CTNND2: variants seen among roughly 807,000 people sequenced by gnomAD.
The protein encoded by CTNND2 is catenin delta-2.
In CTNND2, 22 loss-of-function variants were observed where a neutral mutation model predicts 144.4. The ratio of observed to expected loss-of-function variants is 0.15; its 90% CI spans 0.11 to 0.22. CTNND2 has a LOEUF of 0.22. Ranked by LOEUF, CTNND2 falls within the 10% of genes least tolerant of loss-of-function variation. The probability of loss-of-function intolerance (pLI) is 1.00; values close to 1 mark genes in which losing one functional copy is unlikely to be tolerated. For missense variants in CTNND2, 1,353 were observed against 1,618.8 expected, an observed-to-expected ratio of 0.84 and a Z score of 2.82; for synonymous variants, 751 against 695.6, an observed-to-expected ratio of 1.08 and a Z score of -1.25.
In CTNND2 at chr5:11,580,061, T is replaced by A. The variant is rs181346102; in HGVS notation, c.175-15005A>T. Among the ~76,000 whole-genome samples the A allele has an allele frequency of 6.0e-4, 92 of 152,300 alleles. No homozygotes were observed. The Middle Eastern group carries it at 0.014, about 23-fold the overall frequency. On this transcript the variant is annotated intron_variant, in intron 2 of 21. Coordinates refer to ENST00000304623, the MANE Select transcript of CTNND2 (RefSeq NM_001332.4). ...AGACCTTGTATTTACTTAAGCCCAATGAGTTAAATCCTATCCTACTCTACT... is the reference window on the plus strand; with the variant it reads ...AGACCTTGTATTTACTTAAGCCCAAAGAGTTAAATCCTATCCTACTCTACT...
chr5:11,881,058 T>C (rs1385293082), intron 1 of CTNND2, among the ~76,000 whole-genome samples: 2 of 149,458 alleles, frequency 1.3e-5, no homozygotes, highest in Admixed American at 1.3e-4. Flanking sequence ...CTACTACCAC[T>C]ACTACTACTA....
At chr5:11,670,301 C>T (rs563865351) in intron 2 of CTNND2, among the ~76,000 whole-genome samples, 1 of 152,208 alleles carries the variant, frequency 6.6e-6, no homozygotes, top group Non-Finnish European at 1.5e-5. Context: ...TCCTGAATAT[C>T]CTTGTAAATT....
At chr5:11,669,345 C>T (rs2727605) in intron 2 of CTNND2, among the ~76,000 whole-genome samples, 33,274 of 151,892 alleles carry the variant, frequency 0.22, 5,797 homozygotes, top group African/African-American at 0.49. Context: ...TGGTACCTTC[C>T]GCTCTTTGTA....
At chr5:11,496,582 T>A (rs1436425938) in intron 3 of CTNND2, among the ~76,000 whole-genome samples, 2 of 152,098 alleles carry the variant, frequency 1.3e-5, no homozygotes, top group Admixed American at 1.3e-4. Context: ...GTATGAAATA[T>A]TACACATGTA....
chr5:11,288,970 CAT>C (rs913733514), intron 9 of CTNND2, among the ~76,000 whole-genome samples: 8 of 152,142 alleles, frequency 5.3e-5, no homozygotes, highest in Non-Finnish European at 1.0e-4. Flanking sequence ...CGGCAGAGCA[CAT>C]GTGGACATTT....
chr5:11,060,797 A>T (rs1317986663), intron 16 of CTNND2, among the ~76,000 whole-genome samples: 2 of 152,192 alleles, frequency 1.3e-5, no homozygotes, highest in Non-Finnish European at 2.9e-5. Context: ...TGTCTTCTTT[A>T]TTCCAAAGTA....
chr5:11,082,852 A>T lies in CTNND2; in HGVS notation c.2638-6T>A. The T allele has an allele frequency of 6.2e-7, 1 of 1,613,478 alleles. No homozygotes were observed. Reference sequence around the variant, plus strand: ...GCTCGGATATATACTGACCACTGCAAAAACAGGGAAGGCGAAGGGCGTTAG... The same window carrying T: ...GCTCGGATATATACTGACCACTGCATAAACAGGGAAGGCGAAGGGCGTTAG... On this transcript the variant is annotated splice_region_variant and splice_polypyrimidine_tract_variant and intron_variant, in intron 15 of 21. Coordinates refer to ENST00000304623, the MANE Select transcript of CTNND2 (RefSeq NM_001332.4).
intron 3 of CTNND2, among the ~76,000 whole-genome samples, chr5:11,517,163 C>A (rs10077754): frequency 0.16 from 24,409 of 152,146 alleles, 3,563 homozygotes; most frequent in African/African-American, 0.39. Flanking sequence ...AAATACCAAG[C>A]ACAAAATACA....
rs113238978 is a variant in CTNND2, at chr5:11,028,164, A to G, written c.2789-5185T>C. Among the ~76,000 whole-genome samples the G allele has an allele frequency of 4.0e-5, 6 of 151,374 alleles. 1 individual carries two copies. The highest frequency in any genetic ancestry group is 1.5e-4 in the African/African-American group (6 of 41,196). The stretch of plus-strand genomic sequence containing the variant: ...TAGATGGTCTTTGTTGTGCACCATT[A>G]TAAACTTAAATGTCTCAAACTGATT... On this transcript the variant is annotated intron_variant, in intron 16 of 21. Transcript: ENST00000304623.
chr5:11,641,784 A>G (rs1782057770), intron 2 of CTNND2, among the ~76,000 whole-genome samples: 1 of 145,230 alleles, frequency 6.9e-6, no homozygotes, highest in South Asian at 2.2e-4. Flanking sequence ...GTATGTACAT[A>G]CATACACGTG....
intron 2 of CTNND2, among the ~76,000 whole-genome samples, chr5:11,630,855 G>A (rs1781377777): frequency 6.6e-6 from 1 of 151,958 alleles, no homozygotes; most frequent in Admixed American, 6.6e-5. Flanking sequence ...TCAGGAGGCT[G>A]AGGCAGGAGA....
intron 16 of CTNND2, among the ~76,000 whole-genome samples, chr5:11,039,732 G>T (rs1207819474): frequency 6.6e-6 from 1 of 152,206 alleles, no homozygotes; most frequent in African/African-American, 2.4e-5. Context: ...GTACACTAAA[G>T]TTCCTTATGT....
chr5:11,159,749 C>A lies in CTNND2; in HGVS notation c.1986G>T (p.Trp662Cys). The change falls in exon 12 of 22, where the codon TGG becomes TGT. Residue 662 changes from tryptophan to cysteine, a missense_variant. This residue lies in a region of CTNND2 where 117 missense variants were observed against 117.8 expected (regional missense o/e 0.99). Transcript: ENST00000304623. ...TGAGTGCATCGCATGAGGAGAGGTT[C>A]CAAAGGACTCCTGCAAGAGACACAC... ...EIRELVTGVL[W>C]NLSSCDALKM... is the part of the protein sequence containing the mutation. 1 of 1,590,878 alleles carries A rather than the reference C, an allele frequency of 6.3e-7. No homozygotes were observed. The highest frequency in any genetic ancestry group is 1.1e-5 in the South Asian group (1 of 87,580).
intron 2 of CTNND2, chr5:11,588,968 G>C (rs1779058291): frequency 2.3e-5 from 23 of 985,312 alleles, no homozygotes; most frequent in Non-Finnish European, 2.8e-5. Flanking sequence ...CCTCGAAAAA[G>C]TCAGGACGCT....
intron 3 of CTNND2, among the ~76,000 whole-genome samples, chr5:11,562,788 G>T (rs1457401150): frequency 2.0e-5 from 3 of 152,210 alleles, no homozygotes; most frequent in Admixed American, 2.0e-4. Flanking sequence ...TGTAATAAAT[G>T]AAATCAACTT....
chr5:11,603,681 A>T (rs2190990), intron 2 of CTNND2, among the ~76,000 whole-genome samples: 64,639 of 152,058 alleles, frequency 0.43, 14,361 homozygotes, highest in Middle Eastern at 0.66. Flanking sequence ...AGCTTGAGAT[A>T]ATGATAATAA....
intron 5 of CTNND2, among the ~76,000 whole-genome samples, chr5:11,404,033 C>T (rs986576079): frequency 1.1e-4 from 17 of 152,112 alleles, no homozygotes; most frequent in Admixed American, 9.8e-4. Flanking sequence ...CTCCAAAGAG[C>T]TTTATTTTAT....
At chr5:11,890,298 A>C (rs1247465864) in intron 1 of CTNND2, among the ~76,000 whole-genome samples, 1 of 152,136 alleles carries the variant, frequency 6.6e-6, no homozygotes, top group Non-Finnish European at 1.5e-5. Context: ...CTGCCACAAA[A>C]ACCTGTCACA....
intron 1 of CTNND2, among the ~76,000 whole-genome samples, chr5:11,761,443 A>G (rs1789256948): frequency 6.6e-6 from 1 of 152,202 alleles, no homozygotes; most frequent in Non-Finnish European, 1.5e-5. Context: ...TTCCATTGAT[A>G]TTCTGAACAA....
Sources: allele counts gnomAD v4.1 joint callset (sites outside exome capture counted in the v4.1 genomes callset), GRCh38; gene constraint gnomAD v4.1.1; regional missense constraint gnomAD v4.1.1; transcripts MANE v1.5; gene names NCBI Gene and HGNC (gene_info 2026-07-23, HGNC 2026-07-21).